The following GALNT9 variants were observed in gnomAD, a reference collection of about 807,000 sequenced individuals.
The protein encoded by GALNT9 is GalNAc transferase 9.
A neutral mutation model predicts 63.1 loss-of-function variants in GALNT9; 47 were observed. That is an observed-to-expected ratio of 0.75 (90% CI 0.59 to 0.95). The LOEUF (loss-of-function observed/expected upper bound fraction) is 0.95, where lower values mean the gene tolerates loss of function less well. Among genes scored for constraint, GALNT9 ranks in the 40% least tolerant of loss-of-function variants. The pLI, the probability that GALNT9 is intolerant of heterozygous loss-of-function variation, is 0.00. For missense variants in GALNT9, 829 were observed against 874.8 expected (o/e 0.95, Z 0.66); for synonymous variants, 396 against 365.7 (o/e 1.08, Z -0.94).
Position 132,329,348 on chromosome 12 carries a change from C to T in GALNT9, c.-145G>A. On this transcript the variant is annotated 5_prime_UTR_variant, in exon 1 of 11. Coordinates refer to ENST00000328957, the MANE Select transcript of GALNT9 (RefSeq NM_001122636.2). Reference sequence around the variant, plus strand: ...TCGGCCGGAGCTGTCCCTTCAGCACCAGCTCAGCGCGCCGGGCCACGGCCG... The same window carrying T: ...TCGGCCGGAGCTGTCCCTTCAGCACTAGCTCAGCGCGCCGGGCCACGGCCG... 8.1e-7 allele frequency: 1 copy of T among 1,229,290 alleles called. No individual in the cohort carries two copies. Among genetic ancestry groups the T allele is most frequent in the Non-Finnish European group, 1.1e-6 (1 of 946,608 alleles). 76.1% of individuals were successfully genotyped at this position (1,229,290 alleles called of 1,614,324 possible).
intron 1 of GALNT9, among the ~76,000 whole-genome samples, chr12:132,293,756 G>A (rs2135568694): frequency 6.6e-6 from 1 of 152,270 alleles, no homozygotes; most frequent in Admixed American, 6.5e-5. Context: ...GAGAAGCCAG[G>A]TGAGCCCGTA....
At chr12:132,318,999 G>A (rs1868654166) in intron 1 of GALNT9, among the ~76,000 whole-genome samples, 1 of 152,232 alleles carries the variant, frequency 6.6e-6, no homozygotes, top group Non-Finnish European at 1.5e-5. Flanking sequence ...CAGCTGCACG[G>A]GTCCTTTGGA....
chr12:132,221,655 T>G, intron 6 of GALNT9, among the ~76,000 whole-genome samples: 1 of 16,780 alleles, frequency 6.0e-5, no homozygotes, highest in African/African-American at 2.3e-4. Flanking sequence ...AGTGAGACGT[T>G]CTCAAAAAAA....
intron 6 of GALNT9, 85 bp from the exon 7 acceptor site, chr12:132,203,775 G>A (rs944754907): frequency 2.8e-6 from 4 of 1,454,216 alleles, no homozygotes; most frequent in African/African-American, 1.5e-5. Flanking sequence ...AGAGGCCAAG[G>A]GGCCCGGCCC....
intron 6 of GALNT9, among the ~76,000 whole-genome samples, chr12:132,228,373 G>A (rs1877776654): frequency 7.0e-6 from 1 of 142,980 alleles, no homozygotes; most frequent in Non-Finnish European, 1.6e-5. Flanking sequence ...CCCAGAGGAA[G>A]GGTGATACCT....
At chr12:132,203,401 C>T (rs1876344151) in intron 7 of GALNT9, 104 bp downstream of exon 7, 2 of 1,036,086 alleles carry the variant, frequency 1.9e-6, no homozygotes, top group Non-Finnish European at 2.8e-6. Flanking sequence ...CACCCACTCA[C>T]ACCTGCAGGG....
chr12:132,212,258 G>A (rs1335139934), intron 6 of GALNT9, among the ~76,000 whole-genome samples: 3 of 85,098 alleles, frequency 3.5e-5, no homozygotes, highest in African/African-American at 5.2e-5. Flanking sequence ...AACCCCACCC[G>A]GGTCTGCAGC....
chr12:132,274,040 ATC>A (rs1415911830), intron 2 of GALNT9: 1 of 152,614 alleles, frequency 6.6e-6, no homozygotes, highest in East Asian at 1.9e-4. Context: ...CCTGCTCCAC[ATC>A]TCTCTCATAC....
chr12:132,204,174 C>T (rs1876464787), intron 6 of GALNT9, among the ~76,000 whole-genome samples: 1 of 150,492 alleles, frequency 6.6e-6, no homozygotes, highest in Non-Finnish European at 1.5e-5. Flanking sequence ...GCCTCCCCAG[C>T]TAATAAAACC....
chr12:132,299,502 T>C (rs1469075333), intron 1 of GALNT9, among the ~76,000 whole-genome samples: 2 of 133,194 alleles, frequency 1.5e-5, no homozygotes, highest in African/African-American at 5.8e-5. Flanking sequence ...GATAACTCAC[T>C]CCCATAACTC....
rs114719756 is a variant in GALNT9, at chr12:132,212,159, C to T, written c.1078-8469G>A. Reference sequence around the variant, plus strand: ...ACCCGGGTCTACAGCCTTCACACCACGACACGGAAACCCCACCCGGGTCTG... The same window carrying T: ...ACCCGGGTCTACAGCCTTCACACCATGACACGGAAACCCCACCCGGGTCTG... On this transcript the variant is annotated intron_variant, in intron 6 of 10. Transcript: ENST00000328957. Among the ~76,000 whole-genome samples the T allele has an allele frequency of 3.8e-3, 568 of 147,994 alleles. 3 individuals are homozygous for T. Among genetic ancestry groups the T allele is most frequent in the African/African-American group, 0.013 (523 of 40,164 alleles).
chr12:132,198,492 C>G (rs1875728331), intron 9 of GALNT9, among the ~76,000 whole-genome samples: 1 of 151,166 alleles, frequency 6.6e-6, no homozygotes, highest in African/African-American at 2.4e-5. Flanking sequence ...GTGGGGAGTG[C>G]TCGGAGGTCA....
At position 132,320,362 on chromosome 12, in the gene GALNT9, C is replaced by T. The variant is rs548317557; in HGVS notation, c.238+8604G>A. Among the ~76,000 whole-genome samples, 32 of 152,302 alleles carry T rather than the reference C, an allele frequency of 2.1e-4. No homozygotes were observed. The South Asian group carries it at 4.6e-3, about 22-fold the overall frequency. ...CACGGCCCAGAGCCCTCGAGGGCCA[C>T]GAGGCACAGACGCCCCCACCTCGGA... On this transcript the variant is annotated intron_variant, in intron 1 of 10. Transcript: ENST00000328957.
At chr12:132,243,256 C>T (rs1878521813) in intron 6 of GALNT9, among the ~76,000 whole-genome samples, 1 of 147,162 alleles carries the variant, frequency 6.8e-6, no homozygotes, top group South Asian at 2.1e-4. Context: ...CCGGGGCCCT[C>T]CCTATACCCA....
intron 6 of GALNT9, among the ~76,000 whole-genome samples, chr12:132,213,463 C>A (rs1397455923): frequency 9.4e-6 from 1 of 106,036 alleles, no homozygotes; most frequent in African/African-American, 3.7e-5. Flanking sequence ...TACCCCCACA[C>A]ACAGGCACAC....
chr12:132,298,854 AC>A, intron 1 of GALNT9, among the ~76,000 whole-genome samples: 1 of 113,518 alleles, frequency 8.8e-6, no homozygotes, highest in Non-Finnish European at 1.9e-5. Flanking sequence ...CCACACCTAA[AC>A]CATCCCTGAG....
chr12:132,218,827 T>C (rs1745297395), intron 6 of GALNT9, among the ~76,000 whole-genome samples: 1 of 152,222 alleles, frequency 6.6e-6, no homozygotes, highest in Non-Finnish European at 1.5e-5. Context: ...CCAGCCGTTG[T>C]CCAGACCCTC....
At chr12:132,220,143 C>T (rs1453846697) in intron 6 of GALNT9, among the ~76,000 whole-genome samples, 3 of 152,160 alleles carry the variant, frequency 2.0e-5, no homozygotes, top group East Asian at 3.9e-4. Context: ...CCTGTAGTCC[C>T]AGCTACTCAG....
chr12:132,230,687 C>T (rs1475486940), intron 6 of GALNT9, among the ~76,000 whole-genome samples: 6 of 152,366 alleles, frequency 3.9e-5, no homozygotes, highest in East Asian at 1.9e-4. Context: ...GGGTGAGGCC[C>T]GGTCCTCCTG....
Sources: allele counts gnomAD v4.1 joint callset (sites outside exome capture counted in the v4.1 genomes callset), GRCh38; gene constraint gnomAD v4.1.1; transcripts MANE v1.5; gene names NCBI Gene and HGNC (gene_info 2026-07-23, HGNC 2026-07-21).